Variants in SNX18 observed in about 807,000 individuals in gnomAD.
The protein encoded by SNX18 is sorting nexin-18.
Under a neutral mutation model 48.7 loss-of-function variants are expected in SNX18, and 35 were observed. The ratio of observed to expected loss-of-function variants is 0.72; its 90% CI spans 0.55 to 0.95. The LOEUF (loss-of-function observed/expected upper bound fraction) is 0.95. Among genes scored for constraint, SNX18 ranks in the 40% least tolerant of loss-of-function variants. SNX18 has a pLI of 0.00. For missense variants in SNX18, 824 were observed against 871.0 expected (o/e 0.95, Z 0.68); for synonymous variants, 492 against 384.7 (o/e 1.28, Z -3.26).
At chr5:54,588,808 T>C in the SNX18 span, among the ~76,000 whole-genome samples, 1 of 152,148 alleles carries the variant, frequency 6.6e-6, no homozygotes, top group Non-Finnish European at 1.5e-5. Context: ...TCAAAGAGAA[T>C]GTAACAAGAT....
chr5:54,625,262 G>A, the SNX18 span, among the ~76,000 whole-genome samples: 2 of 152,238 alleles, frequency 1.3e-5, no homozygotes, highest in South Asian at 4.1e-4. Context: ...AACTTCTGTG[G>A]GTCAGAATTC....
the SNX18 span, among the ~76,000 whole-genome samples, chr5:54,627,640 G>C: frequency 4.0e-3 from 609 of 152,210 alleles, 6 homozygotes; most frequent in African/African-American, 0.014. Flanking sequence ...CTCACATGGT[G>C]GCTAAAGCTG....
the SNX18 span, among the ~76,000 whole-genome samples, chr5:54,643,272 C>T: frequency 5.3e-5 from 8 of 152,080 alleles, no homozygotes; most frequent in East Asian, 3.8e-4. Flanking sequence ...CCAGTTATTG[C>T]TTTTTGCCAT....
the SNX18 span, chr5:54,643,822 T>C: frequency 6.6e-6 from 1 of 152,236 alleles, no homozygotes; most frequent in African/African-American, 2.4e-5. Context: ...TACCATCATT[T>C]TAATCACTCA....
chr5:54,525,570 G>T (rs1402597096), intron 1 of SNX18, among the ~76,000 whole-genome samples: 1 of 152,084 alleles, frequency 6.6e-6, no homozygotes, highest in Non-Finnish European at 1.5e-5. Context: ...ATGGCAACTG[G>T]GATAAATGTA....
chr5:54,539,484 G>C (rs1194618521), intron 1 of SNX18, among the ~76,000 whole-genome samples: 1 of 152,226 alleles, frequency 6.6e-6, no homozygotes, highest in Admixed American at 6.5e-5. Flanking sequence ...CCATAGTGCA[G>C]TGCTGGGCAT....
the SNX18 span, among the ~76,000 whole-genome samples, chr5:54,602,792 C>T: frequency 6.6e-6 from 1 of 152,170 alleles, no homozygotes; most frequent in Non-Finnish European, 1.5e-5. Context: ...TACTTCTCCC[C>T]ACTCCTGAGG....
At chr5:54,584,947 C>T in the SNX18 span, among the ~76,000 whole-genome samples, 4 of 152,198 alleles carry the variant, frequency 2.6e-5, no homozygotes, top group East Asian at 1.9e-4. Context: ...ACTATGTGGC[C>T]GACGTGTTTG....
At chr5:54,530,823 C>A (rs772426083) in intron 1 of SNX18, among the ~76,000 whole-genome samples, 8 of 137,140 alleles carry the variant, frequency 5.8e-5, no homozygotes, top group Non-Finnish European at 1.1e-4. Flanking sequence ...GTGATCTCGG[C>A]TCACCATAAC....
At chr5:54,631,175 T>C in the SNX18 span, among the ~76,000 whole-genome samples, 1 of 152,226 alleles carries the variant, frequency 6.6e-6, no homozygotes, top group Admixed American at 6.5e-5. Context: ...GACAGCTCAG[T>C]GCTTGTCCCC....
chr5:54,587,837 T>G, the SNX18 span, among the ~76,000 whole-genome samples: 3 of 152,226 alleles, frequency 2.0e-5, no homozygotes, highest in Non-Finnish European at 4.4e-5. Context: ...CCAATATTTT[T>G]TAAGGCACGT....
the SNX18 span, among the ~76,000 whole-genome samples, chr5:54,556,035 G>A: frequency 6.6e-6 from 1 of 152,074 alleles, no homozygotes; most frequent in Non-Finnish European, 1.5e-5. Context: ...CAGAAAGAGA[G>A]GGTACCACCA....
intron 1 of SNX18, among the ~76,000 whole-genome samples, chr5:54,538,529 C>T (rs1235878979): frequency 6.6e-6 from 1 of 152,116 alleles, no homozygotes; most frequent in Non-Finnish European, 1.5e-5. Context: ...GCACTGATAC[C>T]TTTACTGTTT....
chr5:54,629,019 G>C, the SNX18 span, among the ~76,000 whole-genome samples: 1 of 152,350 alleles, frequency 6.6e-6, no homozygotes, highest in East Asian at 1.9e-4. Context: ...AAGGTCGGGA[G>C]ATCTTCAACC....
downstream of SNX18, among the ~76,000 whole-genome samples, chr5:54,547,306 TA>T (rs1187003460): frequency 6.6e-6 from 1 of 152,224 alleles, no homozygotes; most frequent in Non-Finnish European, 1.5e-5. Flanking sequence ...AGGAAGATAA[TA>T]TCTCTAGTTT....
At chr5:54,580,868 C>T in the SNX18 span, among the ~76,000 whole-genome samples, 1 of 152,132 alleles carries the variant, frequency 6.6e-6, no homozygotes, top group East Asian at 1.9e-4. Flanking sequence ...TAGTAGTAGA[C>T]AGCTTAGAAA....
chr5:54,647,732 T>C, the SNX18 span, among the ~76,000 whole-genome samples: 1 of 152,018 alleles, frequency 6.6e-6, no homozygotes, highest in South Asian at 2.1e-4. Flanking sequence ...ACAGCAGGGG[T>C]TGAAAACAGG....
chr5:54,597,888 C>G, the SNX18 span, among the ~76,000 whole-genome samples: 2 of 151,698 alleles, frequency 1.3e-5, no homozygotes, highest in Non-Finnish European at 2.9e-5. Context: ...TAACCAAGAT[C>G]AGAGCAGAAC....
chr5:54,616,069 G>T, the SNX18 span, among the ~76,000 whole-genome samples: 1 of 152,140 alleles, frequency 6.6e-6, no homozygotes, highest in Non-Finnish European at 1.5e-5. Flanking sequence ...TCTGCCTCTG[G>T]AATCCCAGAA....
Sources: gnomAD v4.1 joint callset for allele counts (sites outside exome capture counted in the v4.1 genomes callset) on GRCh38, gnomAD v4.1.1 for gene constraint, MANE v1.5 for transcripts, NCBI Gene and HGNC (gene_info 2026-07-23, HGNC 2026-07-21) for gene names.